The following HOXD8 variants were observed in gnomAD, a reference collection of about 807,000 sequenced individuals.
HOXD8 encodes the protein homeobox protein Hox-D8.
In HOXD8, 17 loss-of-function variants were observed where a neutral mutation model predicts 25.4. The observed-to-expected ratio is 0.67, with a 90% confidence interval of 0.46 to 1.00. The LOEUF is 1.00. Among genes scored for constraint, HOXD8 ranks in the 50% least tolerant of loss-of-function variants. HOXD8 has a pLI of 0.00. For missense variants in HOXD8, 511 were observed against 398.5 expected (o/e 1.28, Z -2.40); for synonymous variants, 203 against 175.3 (o/e 1.16, Z -1.25).
rs1252141822 is a variant in HOXD8, at chr2:176,130,669, G to A, written c.303G>A (p.Pro101=). ...QEYFHPGGGS[P]AAAYQAAPPP... ...ACTTCCACCCCGGCGGGGGCAGCCC[G>A]GCCGCTGCCTACCAGGCCGCCCCCC... is the stretch of plus-strand genomic sequence containing the variant. The change falls in exon 1 of 2, where the codon CCG becomes CCA. Residue 101 remains proline (P), a synonymous_variant. Transcript: ENST00000313173. 2 of 1,554,374 alleles carry A rather than the reference G, an allele frequency of 1.3e-6. No individual in the cohort carries two copies. The highest frequency in any genetic ancestry group is 1.7e-6 in the Non-Finnish European group (2 of 1,153,594).
In HOXD8 at chr2:176,130,558, G is replaced by A. The variant is rs1559124667; in HGVS notation, c.192G>A (p.Ala64=). 1.4e-6 allele frequency: 2 copies of A among 1,462,068 alleles called. No homozygotes were observed. The highest frequency in any genetic ancestry group is 2.9e-5 in the East Asian group (1 of 34,168). The allele number at this position is 1,462,068 out of a possible 1,614,324, so 90.6% of individuals were successfully genotyped here. Residue 64 remains alanine, a synonymous_variant, in exon 1 of 2, where the codon GCG becomes GCA. Coordinates refer to ENST00000313173, the MANE Select transcript of HOXD8 (RefSeq NM_019558.4). ...ACAGCGCCGCCGGCTTCCCGCACGC[G>A]CCCCCGCAGGCGCACGCGCACCCGC... is the stretch of plus-strand genomic sequence containing the variant. ...YGNSAAGFPH[A]PPQAHAHPHP...
Position 176,131,966 on chromosome 2 carries a change from G to C in HOXD8, c.*354G>C, listed in dbSNP as rs561164315. On this transcript the variant is annotated 3_prime_UTR_variant, in exon 2 of 2. Coordinates refer to ENST00000313173, the MANE Select transcript of HOXD8 (RefSeq NM_019558.4). ...ATAAAATGCTTTATTAATTAAACAA[G>C]TGCACTTGAACATTTTAATATTTGT... 5.7e-6 allele frequency: 1 copy of C among 174,370 alleles called. No homozygotes were observed. The highest frequency in any genetic ancestry group is 1.6e-4 in the East Asian group (1 of 6,404). 10.8% of individuals were successfully genotyped at this position (174,370 alleles called of 1,614,324 possible). A position where few individuals can be genotyped will look rare whatever the true frequency, so the allele number is the denominator to read the frequency against.
chr2:176,130,374 C>T lies in HOXD8; in HGVS notation c.8C>T (p.Ser3Leu). The change falls in exon 1 of 2, where the codon TCG becomes TTG. Residue 3 changes from serine to leucine, a missense_variant. Ser to Leu is a moderately radical substitution (Grantham distance 145). Coordinates refer to ENST00000313173, the MANE Select transcript of HOXD8 (RefSeq NM_019558.4). Reference sequence around the variant, plus strand: ...GCCGCCGCTGACGCCCCAATGAGTTCGTACTTCGTGAACCCGCTGTACTCC... The same window carrying T: ...GCCGCCGCTGACGCCCCAATGAGTTTGTACTTCGTGAACCCGCTGTACTCC... MS[S>L]YFVNPLYSKY... 8 of 1,444,278 alleles carry T rather than the reference C, an allele frequency of 5.5e-6. No homozygotes were observed. The highest frequency in any genetic ancestry group is 7.2e-6 in the Non-Finnish European group (8 of 1,110,684). The allele number at this position is 1,444,278 out of a possible 1,614,324, so 89.5% of individuals were successfully genotyped here.
At position 176,131,676 on chromosome 2, in the gene HOXD8, A is replaced by G. The variant is rs1237938396; in HGVS notation, c.*64A>G. On this transcript the variant is annotated 3_prime_UTR_variant, in exon 2 of 2. Transcript: ENST00000313173. The stretch of plus-strand genomic sequence containing the variant: ...ATAATCACCATATGCTGTGGACACC[A>G]CCTATTTTCTTTGTTGGAAAGGACC... 2 of 838,104 alleles carry G rather than the reference A, an allele frequency of 2.4e-6. No individual in the cohort carries two copies. Among genetic ancestry groups the G allele is most frequent in the African/African-American group, 3.4e-5 (2 of 58,014 alleles). The allele number at this position is 838,104 out of a possible 1,614,324, so 51.9% of individuals were successfully genotyped here.
chr2:176,130,291 T>A lies in HOXD8; in HGVS notation c.-76T>A. 2.1e-6 allele frequency: 2 copies of A among 972,374 alleles called. No individual in the cohort carries two copies. The highest frequency in any genetic ancestry group is 2.7e-6 in the Non-Finnish European group (2 of 740,670). 60.2% of individuals were successfully genotyped at this position (972,374 alleles called of 1,614,324 possible). ...GCCGCCCCACAGGCCCCCGCGGCAG[T>A]GCGGCCGAGTCGAGGCTCGCTCTCT... On this transcript the variant is annotated 5_prime_UTR_variant, in exon 1 of 2. Coordinates refer to ENST00000313173, the MANE Select transcript of HOXD8 (RefSeq NM_019558.4).
chr2:176,131,368 T>C lies in HOXD8; in HGVS notation c.629T>C (p.Leu210Pro). The stretch of plus-strand genomic sequence containing the variant: ...CAAACCTACAGTCGCTTCCAAACTC[T>C]AGAGTTGGAAAAGGAATTTCTTTTT... ...GRQTYSRFQT[L>P]ELEKEFLFNP... The change falls in exon 2 of 2, where the codon CTA becomes CCA. Residue 210 changes from leucine to proline, a missense_variant. Transcript: ENST00000313173. 1 of 1,565,396 alleles carries C rather than the reference T, an allele frequency of 6.4e-7. No homozygotes were observed. The highest frequency in any genetic ancestry group is 8.7e-7 in the Non-Finnish European group (1 of 1,154,312).
chr2:176,131,234 C>A, intron 1 of HOXD8, 83 bp from the exon 2 acceptor site: 14 of 1,347,130 alleles, frequency 1.0e-5, no homozygotes, highest in Non-Finnish European at 1.4e-5. Context: ...GACCCCCGTT[C>A]CACAAACCTC....
intron 1 of HOXD8, 75 bp downstream of exon 1, chr2:176,131,018 T>C: frequency 2.1e-6 from 2 of 956,778 alleles, no homozygotes; most frequent in South Asian, 1.7e-5. Context: ...GCTTTAAAAC[T>C]CCCGTTCCCT....
chr2:176,130,379 T>C lies in HOXD8; in HGVS notation c.13T>C (p.Phe5Leu). 6.9e-7 allele frequency: 1 copy of C among 1,451,520 alleles called. No homozygotes were observed. The highest frequency in any genetic ancestry group is 9.0e-7 in the Non-Finnish European group (1 of 1,113,770). 89.9% of individuals were successfully genotyped at this position (1,451,520 alleles called of 1,614,324 possible). A position where few individuals can be genotyped will look rare whatever the true frequency, so the allele number is the denominator to read the frequency against. Reference protein sequence around the residue: MSSYFVNPLYSKYKA... With the variant: MSSYLVNPLYSKYKA... The stretch of plus-strand genomic sequence containing the variant: ...CGCTGACGCCCCAATGAGTTCGTAC[T>C]TCGTGAACCCGCTGTACTCCAAGTA... The change falls in exon 1 of 2, where the codon TTC (phenylalanine) becomes CTC (leucine). Residue 5 changes from phenylalanine (F) to leucine (L), a missense_variant. Coordinates refer to ENST00000313173, the MANE Select transcript of HOXD8 (RefSeq NM_019558.4).
In HOXD8 at chr2:176,130,842, A is replaced by C. The variant is rs761140328; in HGVS notation, c.476A>C (p.Tyr159Ser). ...CAGCAAGAGGCCGAGCTGGTACAAT[A>C]TCCTGACTGTAAATCGTCCAGTGGT... ...TTQQEAELVQ[Y>S]PDCKSSSGNI... is the part of the protein sequence containing the mutation. Residue 159 changes from tyrosine to serine, a missense_variant, in exon 1 of 2, where the codon TAT (tyrosine) becomes TCT (serine). Transcript: ENST00000313173. 2 of 1,613,184 alleles carry C rather than the reference A, an allele frequency of 1.2e-6. No homozygotes were observed. Among genetic ancestry groups the C allele is most frequent in the Non-Finnish European group, 1.7e-6 (2 of 1,179,564 alleles).
In HOXD8 at chr2:176,130,115, G is replaced by A. The variant is rs1690048667; in HGVS notation, c.-252G>A. On this transcript the variant is annotated 5_prime_UTR_variant, in exon 1 of 2. Coordinates refer to ENST00000313173, the MANE Select transcript of HOXD8 (RefSeq NM_019558.4). ...TGGGCGAGGCCCCGCGACCCGCGAG[G>A]GAGGCGGCGCGAAGCCGAGGCGGCG... 2 of 156,390 alleles carry A rather than the reference G, an allele frequency of 1.3e-5. No individual in the cohort carries two copies. Among genetic ancestry groups the A allele is most frequent in the South Asian group, 2.1e-4 (1 of 4,870 alleles). 9.7% of individuals were successfully genotyped at this position (156,390 alleles called of 1,614,324 possible).
Position 176,130,954 on chromosome 2 carries a change from ATT to A in HOXD8, c.577+20_577+21del. The A allele has an allele frequency of 7.2e-6, 10 of 1,382,548 alleles. No individual in the cohort carries two copies. Among genetic ancestry groups the A allele is most frequent in the African/African-American group, 1.5e-5 (1 of 66,730 alleles). 85.6% of individuals were successfully genotyped at this position (1,382,548 alleles called of 1,614,324 possible). A position where few individuals can be genotyped will look rare whatever the true frequency, so the allele number is the denominator to read the frequency against. On this transcript the variant is annotated intron_variant, in intron 1 of 1. Transcript: ENST00000313173. ...GGATGAGACCACAAGGTTGGGATGC[ATT>A]TTTTTTTTAAGAAGGGAGAGGGGGA... is the stretch of plus-strand genomic sequence containing the variant.
rs941787579 is a variant in HOXD8 at position 176,130,174 on chromosome 2, G to A, written c.-193G>A. The A allele has an allele frequency of 8.3e-6, 2 of 241,718 alleles. No homozygotes were observed. The highest frequency in any genetic ancestry group is 2.3e-5 in the African/African-American group (1 of 43,492). 15.0% of individuals were successfully genotyped at this position (241,718 alleles called of 1,614,324 possible). ...AGCCGGGCATGAGCGCCCAGTAGCT[G>A]AGCGCCCGCGGCTGCCTGGCCTCAG... On this transcript the variant is annotated 5_prime_UTR_variant, in exon 1 of 2. Transcript: ENST00000313173.
chr2:176,130,404 A>G lies in HOXD8; in HGVS notation c.38A>G (p.Tyr13Cys). Residue 13 changes from tyrosine to cysteine, a missense_variant, in exon 1 of 2, where the codon TAC (tyrosine) becomes TGC (cysteine). Tyr to Cys is a radical substitution (Grantham distance 194, BLOSUM62 -2). Coordinates refer to ENST00000313173, the MANE Select transcript of HOXD8 (RefSeq NM_019558.4). ...SYFVNPLYSK[Y>C]KAAAAAAAAA... The stretch of plus-strand genomic sequence containing the variant: ...TTCGTGAACCCGCTGTACTCCAAGT[A>G]CAAGGCGGCGGCTGCGGCGGCGGCG... The G allele has an allele frequency of 6.7e-7, 1 of 1,487,396 alleles. No homozygotes were observed. Among genetic ancestry groups the G allele is most frequent in the Non-Finnish European group, 8.9e-7 (1 of 1,125,948 alleles). 92.1% of individuals were successfully genotyped at this position (1,487,396 alleles called of 1,614,324 possible).
Position 176,130,594 on chromosome 2 carries a change from G to T in HOXD8, c.228G>T (p.Pro76=). 2 of 1,464,554 alleles carry T rather than the reference G, an allele frequency of 1.4e-6. No homozygotes were observed. Among genetic ancestry groups the T allele is most frequent in the South Asian group, 2.8e-5 (2 of 72,224 alleles). The allele number at this position is 1,464,554 out of a possible 1,614,324, so 90.7% of individuals were successfully genotyped here. The change falls in exon 1 of 2, where the codon CCG becomes CCT. Residue 76 remains proline (P), a synonymous_variant. Transcript: ENST00000313173. ...CGCACGCGCACCCGCACCCGTCCCCGCCGCCCTCCGGGACTGGGTGCGGCG... is the reference window on the plus strand; with the variant it reads ...CGCACGCGCACCCGCACCCGTCCCCTCCGCCCTCCGGGACTGGGTGCGGCG... The part of the protein sequence containing the change: ...PQAHAHPHPS[P]PPSGTGCGGR...
Position 176,130,283 on chromosome 2 carries a change from C to G in HOXD8, c.-84C>G. ...CGAGAGCAGCCGCCCCACAGGCCCC[C>G]GCGGCAGTGCGGCCGAGTCGAGGCT... On this transcript the variant is annotated 5_prime_UTR_variant, in exon 1 of 2. Coordinates refer to ENST00000313173, the MANE Select transcript of HOXD8 (RefSeq NM_019558.4). The G allele has an allele frequency of 2.4e-6, 2 of 849,934 alleles. No individual in the cohort carries two copies. The highest frequency in any genetic ancestry group is 3.1e-6 in the Non-Finnish European group (2 of 635,350). The allele number at this position is 849,934 out of a possible 1,614,324, so 52.6% of individuals were successfully genotyped here.
chr2:176,129,776 TGCGCACCGGGTCGGCAGCCTCGGCGGC>T lies in HOXD8; in HGVS notation c.-589_-563del, dbSNP rs1690037082. ...CTGTGGTGCGAAAATGCCTCGCCGG[TGCGCACCGGGTCGGCAGCCTCGGCGGC>T]GGGGGCGAGATTGGCGGGAGGGGGG... On this transcript the variant is annotated 5_prime_UTR_variant, in exon 1 of 2. Transcript: ENST00000313173. 4.9e-6 allele frequency: 1 copy of T among 206,062 alleles called. No homozygotes were observed. Among genetic ancestry groups the T allele is most frequent in the South Asian group, 6.5e-5 (1 of 15,496 alleles). The allele number at this position is 206,062 out of a possible 1,614,324, so 12.8% of individuals were successfully genotyped here.
In HOXD8 at chr2:176,130,885, A is replaced by G; in HGVS notation, c.519A>G (p.Pro173=). The G allele has an allele frequency of 6.2e-7, 1 of 1,611,458 alleles. No homozygotes were observed. The highest frequency in any genetic ancestry group is 8.5e-7 in the Non-Finnish European group (1 of 1,178,708). ...CCAGTGGTAATATTGGCGAGGACCC[A>G]GACCACTTAAATCAGAGCTCGTCTC... The part of the protein sequence containing the change: ...KSSSGNIGED[P]DHLNQSSSPS... The change falls in exon 1 of 2, where the codon CCA becomes CCG. Residue 173 remains proline (P), a synonymous_variant. Transcript: ENST00000313173.
Position 176,130,279 on chromosome 2 carries a change from C to T in HOXD8, c.-88C>T, listed in dbSNP as rs1574960682. 3.8e-6 allele frequency: 3 copies of T among 791,286 alleles called. No individual in the cohort carries two copies. Among genetic ancestry groups the T allele is most frequent in the East Asian group, 7.2e-5 (2 of 27,734 alleles). The allele number at this position is 791,286 out of a possible 1,614,324, so 49.0% of individuals were successfully genotyped here. ...GCGGCGAGAGCAGCCGCCCCACAGGCCCCCGCGGCAGTGCGGCCGAGTCGA... is the reference window on the plus strand; with the variant it reads ...GCGGCGAGAGCAGCCGCCCCACAGGTCCCCGCGGCAGTGCGGCCGAGTCGA... On this transcript the variant is annotated 5_prime_UTR_variant, in exon 1 of 2. Transcript: ENST00000313173.
Sources: gnomAD v4.1 joint callset for allele counts on GRCh38, gnomAD v4.1.1 for gene constraint, MANE v1.5 for transcripts, NCBI Gene and HGNC (gene_info 2026-07-23, HGNC 2026-07-21) for gene names.